PVT1: variants seen among roughly 807,000 people sequenced by gnomAD.
The protein encoded by PVT1 is CXCR4/PVT1 fusion.
chr8:128,014,711 C>T (rs1319197228), intron 4 of PVT1, among the ~76,000 whole-genome samples: 1 of 152,212 alleles, frequency 6.6e-6, no homozygotes, highest in African/African-American at 2.4e-5. Flanking sequence ...TCTGCTACCA[C>T]ATTCATTTCC....
chr8:127,797,046 T>A (rs1217526771), intron 2 of PVT1, among the ~76,000 whole-genome samples: 2 of 151,988 alleles, frequency 1.3e-5, no homozygotes, highest in African/African-American at 4.8e-5. Flanking sequence ...ACCCAGCTAA[T>A]TTTGTATTTT....
intron 5 of PVT1, among the ~76,000 whole-genome samples, chr8:128,073,759 C>T (rs1056627084): frequency 5.9e-5 from 9 of 151,962 alleles, no homozygotes; most frequent in African/African-American, 2.2e-4. Context: ...TTTGACCTTC[C>T]TGACCATCCT....
chr8:127,822,273 G>A (rs564914201), intron 2 of PVT1, among the ~76,000 whole-genome samples: 1 of 152,264 alleles, frequency 6.6e-6, no homozygotes, highest in African/African-American at 2.4e-5. Flanking sequence ...ACCACGAAAG[G>A]AAAGATTAAA....
chr8:127,829,552 AG>A (rs1229475110), intron 2 of PVT1, among the ~76,000 whole-genome samples: 1 of 152,190 alleles, frequency 6.6e-6, no homozygotes, highest in Non-Finnish European at 1.5e-5. Context: ...CTATAAAAAG[AG>A]GGTGGCTGCT....
intron 3 of PVT1, among the ~76,000 whole-genome samples, chr8:127,921,269 T>C (rs1279444006): frequency 6.6e-6 from 1 of 152,002 alleles, no homozygotes; most frequent in African/African-American, 2.4e-5. Flanking sequence ...TCAGGGTTGT[T>C]AACCGTGGAG....
At chr8:128,002,727 A>G (rs1817194915) in intron 4 of PVT1, among the ~76,000 whole-genome samples, 2 of 152,306 alleles carry the variant, frequency 1.3e-5, no homozygotes, top group Middle Eastern at 3.4e-3. Flanking sequence ...TGACCTCATC[A>G]TAACTTGATT....
At chr8:127,795,558 A>G (rs1254626150) in intron 1 of PVT1, among the ~76,000 whole-genome samples, 3 of 151,982 alleles carry the variant, frequency 2.0e-5, no homozygotes, top group Non-Finnish European at 2.9e-5. Flanking sequence ...CCTTTCTGGT[A>G]TTAGGTTTTC....
chr8:128,064,462 C>T (rs949384806), intron 4 of PVT1, among the ~76,000 whole-genome samples: 1 of 152,202 alleles, frequency 6.6e-6, no homozygotes, highest in African/African-American at 2.4e-5. Context: ...AGCCCATTTC[C>T]TCAGCCTCTT....
rs564975348 is a variant in PVT1, at chr8:127,922,524, G to C, written n.782+31526G>C. ...GAGCTCCTGCTGTTCCTTCTGCCTA[G>C]TTCACTCTTCTTTGCCTTGACTGCA... On this transcript the variant is annotated intron_variant and non_coding_transcript_variant, in intron 3 of 10. Coordinates refer to ENST00000651587, the Ensembl canonical transcript of PVT1. 3.9e-5 allele frequency among the ~76,000 whole-genome samples: 6 copies of C among 152,272 alleles called. No individual in the cohort carries two copies. The South Asian group carries it at 1.2e-3, about 32-fold the overall frequency.
intron 3 of PVT1, among the ~76,000 whole-genome samples, chr8:127,938,821 C>A (rs981909717): frequency 6.6e-6 from 1 of 152,108 alleles, no homozygotes; most frequent in South Asian, 2.1e-4. Flanking sequence ...GGGTCTCGTT[C>A]GATGGTGCAG....
intron 4 of PVT1, among the ~76,000 whole-genome samples, chr8:128,036,821 G>T (rs1813469029): frequency 6.6e-6 from 1 of 152,228 alleles, no homozygotes; most frequent in Admixed American, 6.5e-5. Flanking sequence ...TGTCAAAGCA[G>T]CTCCTGGAGG....
intron 4 of PVT1, among the ~76,000 whole-genome samples, chr8:128,016,208 T>C (rs1405004900): frequency 2.0e-5 from 3 of 150,072 alleles, no homozygotes; most frequent in Admixed American, 1.3e-4. Flanking sequence ...ATCTGGGAGG[T>C]GGAGATTGCG....
intron 2 of PVT1, among the ~76,000 whole-genome samples, chr8:127,826,901 T>C (rs1397238428): frequency 6.6e-6 from 1 of 152,042 alleles, no homozygotes; most frequent in Non-Finnish European, 1.5e-5. Flanking sequence ...CCTGGGAGTA[T>C]GCAAAATCTC....
At chr8:127,859,451 G>T (rs1189162741) in intron 2 of PVT1, among the ~76,000 whole-genome samples, 2 of 152,062 alleles carry the variant, frequency 1.3e-5, no homozygotes, top group East Asian at 3.9e-4. Context: ...TCTGTTTTTG[G>T]AGCTTGCTTC....
At chr8:127,975,221 T>A (rs6986352) in intron 3 of PVT1, among the ~76,000 whole-genome samples, 23,622 of 152,142 alleles carry the variant, frequency 0.16, 2,357 homozygotes, top group African/African-American at 0.27. Flanking sequence ...ATGACTCTTG[T>A]CCCACATTGC....
chr8:127,981,025 G>T (rs1186457939), intron 3 of PVT1, among the ~76,000 whole-genome samples: 1 of 152,136 alleles, frequency 6.6e-6, no homozygotes, highest in Non-Finnish European at 1.5e-5. Flanking sequence ...TTGAACTTCA[G>T]ACCTCAAGAG....
intron 3 of PVT1, chr8:127,948,625 A>G (rs911461961): frequency 6.6e-6 from 1 of 152,564 alleles, no homozygotes; most frequent in African/African-American, 2.4e-5. Flanking sequence ...CGGGGCTCCA[A>G]TATGGTCAGA....
chr8:128,007,543 C>A (rs555683213), intron 4 of PVT1, among the ~76,000 whole-genome samples: 44 of 152,180 alleles, frequency 2.9e-4, no homozygotes, highest in African/African-American at 1.0e-3. Context: ...AGAATTGGCC[C>A]ATTTTTGTAG....
chr8:127,871,326 T>A (rs1000533215), intron 2 of PVT1, among the ~76,000 whole-genome samples: 45 of 152,208 alleles, frequency 3.0e-4, no homozygotes, highest in Admixed American at 6.5e-5. Context: ...ATGGCAAATC[T>A]CAGAATAAAT....
Sources: gnomAD v4.1 joint callset for allele counts (sites outside exome capture counted in the v4.1 genomes callset) on GRCh38, gnomAD v4.1.1 for gene constraint, MANE v1.5 for transcripts, NCBI Gene and HGNC (gene_info 2026-07-23, HGNC 2026-07-21) for gene names.